The following GRID1 variants were observed in gnomAD, a reference collection of about 807,000 sequenced individuals.
The protein encoded by GRID1 is glutamate receptor ionotropic, delta-1.
GRID1 carries 28 observed loss-of-function variants against 98.0 expected under a neutral mutation model. The ratio of observed to expected loss-of-function variants is 0.29; its 90% CI spans 0.21 to 0.39. The LOEUF (loss-of-function observed/expected upper bound fraction) is 0.39, where lower values mean the gene tolerates loss of function less well. Among genes scored for constraint, GRID1 ranks in the 10% least tolerant of loss-of-function variants. GRID1 has a pLI of 1.00. For synonymous variants in GRID1, 553 were observed against 538.5 expected (o/e 1.03, Z -0.37); for missense variants, 1,111 against 1,340.5 (o/e 0.83, Z 2.67).
intron 4 of GRID1, among the ~76,000 whole-genome samples, chr10:86,051,303 T>C (rs1413672888): frequency 7.1e-6 from 1 of 140,652 alleles, no homozygotes; most frequent in East Asian, 2.1e-4. Context: ...TAGATAATTA[T>C]ATACCAAAAA....
At chr10:85,939,577 T>C (rs1841971696) in intron 4 of GRID1, among the ~76,000 whole-genome samples, 1 of 152,164 alleles carries the variant, frequency 6.6e-6, no homozygotes, top group South Asian at 2.1e-4. Flanking sequence ...TGGGCCTTTC[T>C]TGGGGAGTCA....
At chr10:85,845,520 C>T (rs1336539851) in intron 8 of GRID1, among the ~76,000 whole-genome samples, 1 of 152,098 alleles carries the variant, frequency 6.6e-6, no homozygotes, top group Non-Finnish European at 1.5e-5. Context: ...AGTCAAAATC[C>T]CAAATTTTTT....
At chr10:85,732,171 C>T (rs959115154) in intron 8 of GRID1, among the ~76,000 whole-genome samples, 7 of 152,172 alleles carry the variant, frequency 4.6e-5, no homozygotes, top group Admixed American at 1.3e-4. Context: ...CCCATAACTG[C>T]TTAGCCCAGG....
intron 12 of GRID1, among the ~76,000 whole-genome samples, chr10:85,704,714 T>G (rs537601407): frequency 6.6e-6 from 1 of 152,328 alleles, no homozygotes; most frequent in South Asian, 2.1e-4. Context: ...ACCACATAGT[T>G]GGAAGTAAGG....
chr10:86,130,860 G>A (rs2131966258), intron 4 of GRID1, among the ~76,000 whole-genome samples: 1 of 152,294 alleles, frequency 6.6e-6, no homozygotes, highest in Admixed American at 6.5e-5. Context: ...GGGAGTCACA[G>A]GCACCCACCC....
chr10:85,841,202 G>A (rs926093212), intron 8 of GRID1, among the ~76,000 whole-genome samples: 1 of 152,076 alleles, frequency 6.6e-6, no homozygotes, highest in African/African-American at 2.4e-5. Flanking sequence ...ACAACTACCT[G>A]ATCTTCAACA....
chr10:86,210,713 C>G (rs180979863), intron 2 of GRID1, among the ~76,000 whole-genome samples: 1 of 152,212 alleles, frequency 6.6e-6, no homozygotes, highest in South Asian at 2.1e-4. Context: ...CTCTCCCAGG[C>G]GCTAATGGAG....
chr10:85,706,894 A>G (rs181356402), intron 12 of GRID1, among the ~76,000 whole-genome samples: 28 of 152,342 alleles, frequency 1.8e-4, no homozygotes, highest in African/African-American at 6.0e-4. Flanking sequence ...GGTGCTGGGA[A>G]AACTGGCTAG....
chr10:86,118,128 A>G (rs1284573542), intron 4 of GRID1, among the ~76,000 whole-genome samples: 1 of 152,184 alleles, frequency 6.6e-6, no homozygotes, highest in Non-Finnish European at 1.5e-5. Context: ...ACACACACAC[A>G]TCACCATGGA....
intron 12 of GRID1, among the ~76,000 whole-genome samples, chr10:85,715,665 C>A (rs142689192): frequency 1.3e-5 from 2 of 152,110 alleles, no homozygotes; most frequent in African/African-American, 4.8e-5. Flanking sequence ...TGAGGTATCA[C>A]CTTACACCTG....
intron 8 of GRID1, among the ~76,000 whole-genome samples, chr10:85,813,298 A>C (rs867346164): frequency 6.6e-6 from 1 of 151,712 alleles, no homozygotes; most frequent in Non-Finnish European, 1.5e-5. Flanking sequence ...ATACATCTTA[A>C]TCAAATTGCT....
chr10:85,689,448 A>G (rs960914692), intron 12 of GRID1, among the ~76,000 whole-genome samples: 1 of 43,598 alleles, frequency 2.3e-5, no homozygotes, highest in Non-Finnish European at 5.4e-5. Flanking sequence ...AAGAAATGGA[A>G]AAAAAAAAAG....
intron 12 of GRID1, among the ~76,000 whole-genome samples, chr10:85,695,832 ACCC>A (rs1323662905): frequency 6.6e-6 from 1 of 152,176 alleles, no homozygotes; most frequent in African/African-American, 2.4e-5. Flanking sequence ...AGAGCATGTA[ACCC>A]AAGGAATAGG....
intron 5 of GRID1, among the ~76,000 whole-genome samples, chr10:85,903,251 C>T (rs961532872): frequency 9.9e-5 from 15 of 152,148 alleles, no homozygotes; most frequent in African/African-American, 3.4e-4. Flanking sequence ...AATATTCAAT[C>T]TCCTCATCTC....
intron 4 of GRID1, among the ~76,000 whole-genome samples, chr10:86,104,886 G>C (rs1025696489): frequency 2.0e-5 from 3 of 152,214 alleles, no homozygotes; most frequent in Admixed American, 6.5e-5. Flanking sequence ...CAGCGGACAG[G>C]GGGGCAAAAG....
At chr10:86,153,138 C>A (rs1051802835) in intron 3 of GRID1, among the ~76,000 whole-genome samples, 8 of 152,134 alleles carry the variant, frequency 5.3e-5, no homozygotes, top group African/African-American at 1.9e-4. Context: ...GTGCCTGAGC[C>A]CAGTGGGTGC....
intron 3 of GRID1, among the ~76,000 whole-genome samples, chr10:86,190,804 C>G (rs557812002): frequency 6.6e-6 from 1 of 152,248 alleles, no homozygotes; most frequent in African/African-American, 2.4e-5. Context: ...GCACCTCTAA[C>G]TTTAATGACT....
chr10:85,691,033 T>G (rs571774074), intron 12 of GRID1, among the ~76,000 whole-genome samples: 1 of 152,340 alleles, frequency 6.6e-6, no homozygotes, highest in South Asian at 2.1e-4. Context: ...ATGTCTAATT[T>G]AATTAATTGA....
At chr10:86,150,292 A>G (rs924284018) in intron 3 of GRID1, among the ~76,000 whole-genome samples, 1 of 152,142 alleles carries the variant, frequency 6.6e-6, no homozygotes, top group East Asian at 1.9e-4. Flanking sequence ...GGATTCTTCA[A>G]TGCTTCATTT....
Sources: allele counts gnomAD v4.1 joint callset (sites outside exome capture counted in the v4.1 genomes callset), GRCh38; gene constraint gnomAD v4.1.1; transcripts MANE v1.5; gene names NCBI Gene and HGNC (gene_info 2026-07-23, HGNC 2026-07-21).